The following FBXL7 variants were observed in gnomAD, a reference collection of about 807,000 sequenced individuals.
FBXL7 encodes the protein F-box/LRR-repeat protein 7.
In FBXL7, 12 loss-of-function variants were observed where a neutral mutation model predicts 38.3. The ratio of observed to expected loss-of-function variants is 0.31; its 90% CI spans 0.20 to 0.51. The LOEUF (loss-of-function observed/expected upper bound fraction) is 0.51, where lower values mean the gene tolerates loss of function less well. Ranked by LOEUF, FBXL7 falls within the 20% of genes least tolerant of loss-of-function variation. The pLI, the probability that FBXL7 is intolerant of heterozygous loss-of-function variation, is 0.98. For missense variants in FBXL7, 567 were observed against 676.4 expected, an observed-to-expected ratio of 0.84 and a Z score of 1.79; for synonymous variants, 297 against 300.9, an observed-to-expected ratio of 0.99 and a Z score of 0.13.
intron 2 of FBXL7, among the ~76,000 whole-genome samples, chr5:15,915,347 G>A (rs1439109792): frequency 1.3e-5 from 2 of 152,344 alleles, no homozygotes; most frequent in African/African-American, 4.8e-5. Flanking sequence ...TGTTGACAGA[G>A]ATGTGGAGTA....
chr5:15,686,451 C>G (rs1035931226), intron 2 of FBXL7, among the ~76,000 whole-genome samples: 7 of 152,176 alleles, frequency 4.6e-5, no homozygotes, highest in Non-Finnish European at 1.0e-4. Flanking sequence ...ACCAAGCAGT[C>G]TTCCTGATCC....
At chr5:15,546,337 C>T (rs1035025269) in intron 1 of FBXL7, among the ~76,000 whole-genome samples, 9 of 152,068 alleles carry the variant, frequency 5.9e-5, no homozygotes, top group African/African-American at 1.4e-4. Flanking sequence ...GAGGCTGAGG[C>T]GGGTAGATCA....
At chr5:15,733,244 C>A (rs1735659697) in intron 2 of FBXL7, among the ~76,000 whole-genome samples, 1 of 152,150 alleles carries the variant, frequency 6.6e-6, no homozygotes, top group South Asian at 2.1e-4. Flanking sequence ...AGGCACCCGC[C>A]ACCACGCCCG....
intron 1 of FBXL7, among the ~76,000 whole-genome samples, chr5:15,507,548 A>T (rs1221512734): frequency 6.6e-6 from 1 of 152,176 alleles, no homozygotes. Context: ...TGCTTAGATA[A>T]CTTTGCCTGG....
At chr5:15,911,226 T>G (rs1365865289) in intron 2 of FBXL7, among the ~76,000 whole-genome samples, 2 of 42,236 alleles carry the variant, frequency 4.7e-5, no homozygotes, top group Non-Finnish European at 7.8e-5. Context: ...GCTCATTTCT[T>G]TTTATTCTTT....
intron 2 of FBXL7, among the ~76,000 whole-genome samples, chr5:15,828,984 C>T (rs996404616): frequency 2.0e-5 from 3 of 152,124 alleles, no homozygotes; most frequent in African/African-American, 7.2e-5. Context: ...AATTAAATAG[C>T]TGAAGTGAAG....
intron 2 of FBXL7, among the ~76,000 whole-genome samples, chr5:15,725,978 C>T (rs1319397547): frequency 6.6e-6 from 1 of 152,124 alleles, no homozygotes; most frequent in South Asian, 2.1e-4. Context: ...AAGTCTGCAA[C>T]TATTATTGTA....
chr5:15,842,098 G>A (rs1256175502), intron 2 of FBXL7, among the ~76,000 whole-genome samples: 9 of 152,272 alleles, frequency 5.9e-5, no homozygotes, highest in Non-Finnish European at 8.8e-5. Flanking sequence ...AGCTTGCACC[G>A]TGTGCCTGGA....
chr5:15,548,598 G>A (rs147096661), intron 1 of FBXL7, among the ~76,000 whole-genome samples: 21 of 152,278 alleles, frequency 1.4e-4, no homozygotes, highest in African/African-American at 4.6e-4. Context: ...ACTGTCAATA[G>A]AGAAAAACCA....
At chr5:15,543,612 GAT>G (rs1309918350) in intron 1 of FBXL7, among the ~76,000 whole-genome samples, 1 of 152,182 alleles carries the variant, frequency 6.6e-6, no homozygotes, top group Non-Finnish European at 1.5e-5. Context: ...GTATCTCCAT[GAT>G]ACTGGAAACA....
intron 2 of FBXL7, among the ~76,000 whole-genome samples, chr5:15,757,400 G>A (rs1194763437): frequency 1.3e-5 from 2 of 152,094 alleles, no homozygotes; most frequent in African/African-American, 4.8e-5. Context: ...TTGAATTCTT[G>A]TTCTACTCCT....
At chr5:15,725,871 T>G (rs2126657397) in intron 2 of FBXL7, among the ~76,000 whole-genome samples, 1 of 152,230 alleles carries the variant, frequency 6.6e-6, no homozygotes, top group South Asian at 2.1e-4. Flanking sequence ...TATTTCTGTG[T>G]TTATTAAATC....
At chr5:15,727,557 CTA>C (rs1735440978) in intron 2 of FBXL7, among the ~76,000 whole-genome samples, 1 of 152,136 alleles carries the variant, frequency 6.6e-6, no homozygotes, top group African/African-American at 2.4e-5. Context: ...TGGCTGTCCT[CTA>C]AAGTTTCTGA....
intron 1 of FBXL7, among the ~76,000 whole-genome samples, chr5:15,573,065 T>C (rs2126455529): frequency 6.6e-6 from 1 of 152,368 alleles, no homozygotes; most frequent in East Asian, 1.9e-4. Flanking sequence ...TCACCTCCCC[T>C]TCCCCCAAAA....
intron 2 of FBXL7, among the ~76,000 whole-genome samples, chr5:15,650,892 A>G (rs1381482175): frequency 6.6e-6 from 1 of 152,142 alleles, no homozygotes; most frequent in Non-Finnish European, 1.5e-5. Flanking sequence ...AATAAATGCT[A>G]GAACCCCTCA....
At chr5:15,781,426 T>A (rs1334477921) in intron 2 of FBXL7, among the ~76,000 whole-genome samples, 12 of 144,916 alleles carry the variant, frequency 8.3e-5, no homozygotes, top group Non-Finnish European at 1.7e-4. Flanking sequence ...AAGGAGAAAT[T>A]GTGTGAGTGT....
intron 1 of FBXL7, among the ~76,000 whole-genome samples, chr5:15,557,094 C>T (rs572913490): frequency 7.6e-4 from 115 of 152,290 alleles, no homozygotes; most frequent in African/African-American, 2.5e-3. Flanking sequence ...TCCACCACCA[C>T]GCCTGGCTAA....
chr5:15,807,293 C>T (rs1737739509), intron 2 of FBXL7, among the ~76,000 whole-genome samples: 3 of 152,134 alleles, frequency 2.0e-5, no homozygotes, highest in Admixed American at 2.0e-4. Flanking sequence ...GAAACAGTGA[C>T]CCTTTCTACA....
rs190947519 is a variant in FBXL7, at chr5:15,575,009, C to T, written c.38-40974C>T. 4.3e-4 allele frequency among the ~76,000 whole-genome samples: 65 copies of T among 152,222 alleles called. 1 individual carries two copies. Among genetic ancestry groups the T allele is most frequent in the Non-Finnish European group, 4.1e-4 (28 of 67,996 alleles). ...CAGGGGACATCTGGTTATCCGGAGA[C>T]ATTTTTTGTTTTCACAATTGTGGGA... On this transcript the variant is annotated intron_variant, in intron 1 of 3. Transcript: ENST00000504595.
Sources: allele counts gnomAD v4.1 joint callset (sites outside exome capture counted in the v4.1 genomes callset), GRCh38; gene constraint gnomAD v4.1.1; transcripts MANE v1.5; gene names NCBI Gene and HGNC (gene_info 2026-07-23, HGNC 2026-07-21).